The following SH3GL2 variants were observed in gnomAD, a reference collection of about 807,000 sequenced individuals.
SH3GL2 encodes the protein endophilin-A1.
A neutral mutation model predicts 46.0 loss-of-function variants in SH3GL2; 24 were observed. That is an observed-to-expected ratio of 0.52 (90% CI 0.38 to 0.73). The LOEUF is 0.73. Ranked by LOEUF, SH3GL2 falls within the 30% of genes least tolerant of loss-of-function variation. The pLI is 0.00. For synonymous variants in SH3GL2, 196 were observed against 147.1 expected (o/e 1.33, Z -2.40); for missense variants, 413 against 424.2 (o/e 0.97, Z 0.23).
intron 1 of SH3GL2, among the ~76,000 whole-genome samples, chr9:17,729,877 T>G: frequency 6.6e-6 from 1 of 152,216 alleles, no homozygotes. Context: ...GTACTATAGT[T>G]TGAAGTCATG....
chr9:17,766,739 T>G (rs1428493888), intron 3 of SH3GL2, among the ~76,000 whole-genome samples: 1 of 152,232 alleles, frequency 6.6e-6, no homozygotes, highest in African/African-American at 2.4e-5. Flanking sequence ...CAATTTGGAC[T>G]AGCCACATTT....
At chr9:17,663,707 A>C (rs73645120) in intron 1 of SH3GL2, among the ~76,000 whole-genome samples, 4,078 of 152,350 alleles carry the variant, frequency 0.027, 77 homozygotes, top group African/African-American at 0.038. Context: ...AATTTAATCC[A>C]TGCTTCAGCA....
chr9:17,599,848 G>A (rs1818637673), intron 1 of SH3GL2, among the ~76,000 whole-genome samples: 1 of 151,298 alleles, frequency 6.6e-6, no homozygotes, highest in African/African-American at 2.4e-5. Flanking sequence ...AATTTTTTTT[G>A]ATATTTCCTT....
chr9:17,750,687 T>C (rs1458180868), intron 2 of SH3GL2, among the ~76,000 whole-genome samples: 2 of 152,226 alleles, frequency 1.3e-5, no homozygotes, highest in Non-Finnish European at 2.9e-5. Flanking sequence ...TGAAAAGCTA[T>C]AGGATTTTTT....
At chr9:17,674,586 A>T (rs575009148) in intron 1 of SH3GL2, among the ~76,000 whole-genome samples, 1 of 152,104 alleles carries the variant, frequency 6.6e-6, no homozygotes, top group Admixed American at 6.5e-5. Flanking sequence ...TTTGTTCATG[A>T]TTTTGTTGGA....
At chr9:17,771,069 T>C (rs907594497) in intron 3 of SH3GL2, among the ~76,000 whole-genome samples, 1 of 152,220 alleles carries the variant, frequency 6.6e-6, no homozygotes, top group African/African-American at 2.4e-5. Context: ...TGTTATTCTA[T>C]GTAGAAAACT....
intron 1 of SH3GL2, among the ~76,000 whole-genome samples, chr9:17,728,994 A>G (rs1182286982): frequency 6.6e-6 from 1 of 152,128 alleles, no homozygotes; most frequent in Non-Finnish European, 1.5e-5. Flanking sequence ...TATACTCCGT[A>G]ATGGGATTGC....
intron 1 of SH3GL2, among the ~76,000 whole-genome samples, chr9:17,580,194 C>T (rs1200206689): frequency 1.3e-5 from 2 of 152,128 alleles, no homozygotes; most frequent in Non-Finnish European, 2.9e-5. Flanking sequence ...CTTTTTTATC[C>T]TTCTGAAATA....
rs1375983072 is a variant in SH3GL2, at chr9:17,623,312, C to T, written c.45+44025C>T. On this transcript the variant is annotated intron_variant, in intron 1 of 8. Coordinates refer to ENST00000380607, the MANE Select transcript of SH3GL2 (RefSeq NM_003026.5). ...GTCCATAGGAGGAGCTTGTGGGAAG[C>T]TAGCTGGCGAGGTTCAGAAAGTAGA... is the stretch of plus-strand genomic sequence containing the variant. Among the ~76,000 whole-genome samples, 5 of 152,004 alleles carry T rather than the reference C, an allele frequency of 3.3e-5. No individual in the cohort carries two copies. In the East Asian group the frequency reaches 7.7e-4, roughly 23 times the overall value.
chr9:17,582,392 G>T (rs553263242), intron 1 of SH3GL2, among the ~76,000 whole-genome samples: 37 of 152,270 alleles, frequency 2.4e-4, no homozygotes, highest in African/African-American at 8.7e-4. Flanking sequence ...AAGGGCAGAT[G>T]ATCTTGTGTT....
In SH3GL2 at chr9:17,720,548, T is replaced by C. The variant is rs1386001669; in HGVS notation, c.46-26518T>C. On this transcript the variant is annotated intron_variant, in intron 1 of 8. Coordinates refer to ENST00000380607, the MANE Select transcript of SH3GL2 (RefSeq NM_003026.5). Reference sequence around the variant, plus strand: ...TGGTTTGAACAGTTGGCAGCGCTTATTGGCTGAACCCTGGTGATTGGCCCA... The same window carrying C: ...TGGTTTGAACAGTTGGCAGCGCTTACTGGCTGAACCCTGGTGATTGGCCCA... Among the ~76,000 whole-genome samples, 12 of 152,100 alleles carry C rather than the reference T, an allele frequency of 7.9e-5. No homozygotes were observed. In the East Asian group the frequency reaches 1.7e-3, roughly 22 times the overall value.
intron 1 of SH3GL2, among the ~76,000 whole-genome samples, chr9:17,681,093 C>T (rs1385045093): frequency 6.6e-6 from 1 of 151,990 alleles, no homozygotes; most frequent in East Asian, 1.9e-4. Context: ...CACACCAAAT[C>T]TTTTAACTAC....
At chr9:17,601,255 C>T (rs1179930229) in intron 1 of SH3GL2, among the ~76,000 whole-genome samples, 1 of 151,042 alleles carries the variant, frequency 6.6e-6, no homozygotes, top group Non-Finnish European at 1.5e-5. Context: ...TTTTTGGAAT[C>T]AATTTTTTTT....
chr9:17,735,777 A>G lies in SH3GL2; in HGVS notation c.46-11289A>G, dbSNP rs1173364756. ...AGCTGGCAGCTCTTTCCACACATGGAAAGCATAATAGGAAAGAAGGGCTTA... is the reference window on the plus strand; with the variant it reads ...AGCTGGCAGCTCTTTCCACACATGGGAAGCATAATAGGAAAGAAGGGCTTA... On this transcript the variant is annotated intron_variant, in intron 1 of 8. Coordinates refer to ENST00000380607, the MANE Select transcript of SH3GL2 (RefSeq NM_003026.5). 2.3e-5 allele frequency: 22 copies of G among 975,476 alleles called. 1 individual carries two copies. The East Asian group carries it at 1.8e-3, about 81-fold the overall frequency. The allele number at this position is 975,476 out of a possible 1,614,324, so 60.4% of individuals were successfully genotyped here.
chr9:17,635,396 T>G (rs1010700873), intron 1 of SH3GL2, among the ~76,000 whole-genome samples: 2 of 152,198 alleles, frequency 1.3e-5, no homozygotes, highest in African/African-American at 4.8e-5. Context: ...GATGGGCATT[T>G]AGATTGATTC....
At chr9:17,716,867 G>A (rs1377967265) in intron 1 of SH3GL2, among the ~76,000 whole-genome samples, 1 of 152,064 alleles carries the variant, frequency 6.6e-6, no homozygotes, top group Non-Finnish European at 1.5e-5. Flanking sequence ...TTTCCTCTCA[G>A]TCAGGGATCT....
intron 1 of SH3GL2, among the ~76,000 whole-genome samples, chr9:17,700,634 T>A (rs534996044): frequency 6.6e-6 from 1 of 152,220 alleles, no homozygotes; most frequent in African/African-American, 2.4e-5. Flanking sequence ...ATTTTACCCT[T>A]ATTCTTTAGA....
chr9:17,646,167 C>G (rs1267392528), intron 1 of SH3GL2, among the ~76,000 whole-genome samples: 2 of 151,662 alleles, frequency 1.3e-5, no homozygotes, highest in Non-Finnish European at 2.9e-5. Flanking sequence ...ATCGATTTGG[C>G]TATTGATGCT....
chr9:17,712,923 T>A (rs2118285786), intron 1 of SH3GL2, among the ~76,000 whole-genome samples: 1 of 130,502 alleles, frequency 7.7e-6, no homozygotes, highest in Non-Finnish European at 1.6e-5. Context: ...ATAGTAAGCG[T>A]GAACATCCTT....
Sources: gnomAD v4.1 joint callset for allele counts (sites outside exome capture counted in the v4.1 genomes callset) on GRCh38, gnomAD v4.1.1 for gene constraint, MANE v1.5 for transcripts, NCBI Gene and HGNC (gene_info 2026-07-23, HGNC 2026-07-21) for gene names.